The following NUP98 variants were observed in gnomAD, a reference collection of about 807,000 sequenced individuals.
NUP98 encodes nucleoporin 98 and 96 precursor.
Under a neutral mutation model 191.9 loss-of-function variants are expected in NUP98, and 26 were observed. The observed-to-expected ratio is 0.14, with a 90% confidence interval of 0.10 to 0.19. The LOEUF (loss-of-function observed/expected upper bound fraction) is 0.19. Ranked by LOEUF, NUP98 falls within the 10% of genes least tolerant of loss-of-function variation. The pLI is 1.00. For missense variants in NUP98, 1,941 were observed against 2,178.8 expected, an observed-to-expected ratio of 0.89 and a Z score of 2.17; for synonymous variants, 808 against 778.4, an observed-to-expected ratio of 1.04 and a Z score of -0.63.
chr11:3,784,865 G>A (rs527560004), intron 1 of NUP98, among the ~76,000 whole-genome samples: 5 of 152,254 alleles, frequency 3.3e-5, no homozygotes, highest in African/African-American at 9.6e-5. Context: ...GGCCGGGCGC[G>A]GTGGCTCACA....
At position 3,760,361 on chromosome 11, in the gene NUP98, G is replaced by T. The variant is rs2081124249; in HGVS notation, c.1174+178C>A. The T allele has an allele frequency of 4.3e-5, 35 of 821,668 alleles. No homozygotes were observed. The South Asian group carries it at 6.1e-4, about 14-fold the overall frequency. 50.9% of individuals were successfully genotyped at this position (821,668 alleles called of 1,614,324 possible). A position where few individuals can be genotyped will look rare whatever the true frequency, so the allele number is the denominator to read the frequency against. On this transcript the variant is annotated intron_variant, in intron 10 of 32. Transcript: ENST00000324932. ...TCCAGGACTTTAAACCTTTCCCTCT[G>T]GTACTTCACATCAAGCTACCGCTTA...
At chr11:3,726,287 C>G (rs61879982) in intron 14 of NUP98, among the ~76,000 whole-genome samples, 1 of 150,730 alleles carries the variant, frequency 6.6e-6, no homozygotes, top group African/African-American at 2.4e-5. Context: ...AGCTGAAAAT[C>G]AAAGGGGAGA....
At chr11:3,783,181 C>T (rs1036225501) in intron 1 of NUP98, among the ~76,000 whole-genome samples, 8 of 152,112 alleles carry the variant, frequency 5.3e-5, no homozygotes, top group Non-Finnish European at 8.8e-5. Flanking sequence ...TGCTTGAGCC[C>T]AGGAGTTCGA....
At chr11:3,708,073 C>T (rs2078916429) in intron 20 of NUP98, among the ~76,000 whole-genome samples, 1 of 152,026 alleles carries the variant, frequency 6.6e-6, no homozygotes, top group Admixed American at 6.6e-5. Flanking sequence ...TGCACTCCAG[C>T]CTGGGTGAGA....
intron 1 of NUP98, among the ~76,000 whole-genome samples, chr11:3,786,407 A>C (rs2082142282): frequency 6.6e-6 from 1 of 152,204 alleles, no homozygotes; most frequent in African/African-American, 2.4e-5. Flanking sequence ...ATTTACAACA[A>C]AGATTAACCT....
chr11:3,766,991 G>C (rs1210235631), intron 8 of NUP98, among the ~76,000 whole-genome samples: 3 of 152,116 alleles, frequency 2.0e-5, no homozygotes, highest in Admixed American at 6.6e-5. Context: ...TTGAGACAGA[G>C]TCCCGCTCTG....
chr11:3,697,820 TAAA>T (rs199874258), intron 25 of NUP98, among the ~76,000 whole-genome samples: 1,283 of 97,120 alleles, frequency 0.013, 16 homozygotes, highest in African/African-American at 0.043. Flanking sequence ...GACTCTGTCT[TAAA>T]AAAAAAAAAA....
chr11:3,711,972 C>G (rs936003954), intron 20 of NUP98: 4 of 1,045,010 alleles, frequency 3.8e-6, no homozygotes, highest in Non-Finnish European at 4.6e-6. Context: ...AATCCCGTAT[C>G]AATGATACAA....
At chr11:3,721,434 A>G (rs2079396738) in intron 16 of NUP98, among the ~76,000 whole-genome samples, 1 of 152,204 alleles carries the variant, frequency 6.6e-6, no homozygotes, top group African/African-American at 2.4e-5. Context: ...AAGGTGGCTC[A>G]TGCCTGTAAT....
In NUP98 at chr11:3,712,402, C is replaced by T. The variant is rs113679864; in HGVS notation, c.2742+162G>A. ...TCTCCAGTAAAAAGACAGATGCCTGCAAGACCTCACGCCCTCCCTTGCACT... is the reference window on the plus strand; with the variant it reads ...TCTCCAGTAAAAAGACAGATGCCTGTAAGACCTCACGCCCTCCCTTGCACT... On this transcript the variant is annotated intron_variant, in intron 20 of 32. Coordinates refer to ENST00000324932, the MANE Select transcript of NUP98 (RefSeq NM_016320.5). The T allele has an allele frequency of 5.6e-5, 79 of 1,416,642 alleles. 1 individual carries two copies. The African/African-American group carries it at 8.1e-4, about 14-fold the overall frequency. The allele number at this position is 1,416,642 out of a possible 1,614,324, so 87.8% of individuals were successfully genotyped here.
At chr11:3,680,550 G>T (rs2077953087) in intron 30 of NUP98, among the ~76,000 whole-genome samples, 1 of 152,060 alleles carries the variant, frequency 6.6e-6, no homozygotes. Context: ...AATGTTTTTT[G>T]TGTATTTTTT....
intron 12 of NUP98, among the ~76,000 whole-genome samples, chr11:3,736,639 C>CA (rs1230779267): frequency 3.3e-5 from 5 of 152,006 alleles, no homozygotes; most frequent in Non-Finnish European, 7.4e-5. Context: ...AACAAACAAA[C>CA]AAAAAAGTTG....
At chr11:3,735,114 A>C in intron 13 of NUP98, 77 bp downstream of exon 13, 1 of 1,367,458 alleles carries the variant, frequency 7.3e-7, no homozygotes, top group Non-Finnish European at 9.6e-7. Flanking sequence ...TAATATATAC[A>C]GGCAAAAAAT....
At chr11:3,733,790 C>T (rs2079935396) in intron 13 of NUP98, among the ~76,000 whole-genome samples, 1 of 152,214 alleles carries the variant, frequency 6.6e-6, no homozygotes, top group South Asian at 2.1e-4. Context: ...CCAGTGTAAA[C>T]TTAAGTGCTT....
At chr11:3,713,185 A>G (rs1032330649) in intron 19 of NUP98, among the ~76,000 whole-genome samples, 2 of 152,214 alleles carry the variant, frequency 1.3e-5, no homozygotes, top group Non-Finnish European at 2.9e-5. Flanking sequence ...TGACAATTAC[A>G]TAGGAAGAGT....
At chr11:3,683,838 T>G (rs939856074) in intron 29 of NUP98, among the ~76,000 whole-genome samples, 1 of 152,018 alleles carries the variant, frequency 6.6e-6, no homozygotes, top group Non-Finnish European at 1.5e-5. Flanking sequence ...ACACCTGGCC[T>G]AAACTATGGG....
intron 13 of NUP98, among the ~76,000 whole-genome samples, chr11:3,733,736 G>GTCAT (rs1407445697): frequency 6.6e-6 from 1 of 152,068 alleles, no homozygotes; most frequent in African/African-American, 2.4e-5. Context: ...TTATCCATTC[G>GTCAT]TCATTGATAG....
intron 18 of NUP98, among the ~76,000 whole-genome samples, chr11:3,717,436 T>C (rs1271161260): frequency 6.6e-6 from 1 of 152,218 alleles, no homozygotes; most frequent in Non-Finnish European, 1.5e-5. Flanking sequence ...TTTGTGTATA[T>C]TTTATTCTTT....
chr11:3,756,915 G>A (rs556183355), intron 10 of NUP98, among the ~76,000 whole-genome samples: 6 of 150,990 alleles, frequency 4.0e-5, no homozygotes, highest in African/African-American at 1.5e-4. Flanking sequence ...GTGAAACCCC[G>A]TCTCTATTAA....
Sources: gnomAD v4.1 joint callset for allele counts (sites outside exome capture counted in the v4.1 genomes callset) on GRCh38, gnomAD v4.1.1 for gene constraint, MANE v1.5 for transcripts, NCBI Gene and HGNC (gene_info 2026-07-23, HGNC 2026-07-21) for gene names.